The following TRAM2 variants were observed in gnomAD, a reference collection of about 807,000 sequenced individuals.
TRAM2 encodes translocation associated membrane protein 2, also known as translocating chain-associated membrane protein 2.
TRAM2 carries 12 observed loss-of-function variants against 51.0 expected under a neutral mutation model. The observed-to-expected ratio is 0.24, with a 90% CI of 0.15 to 0.38. The LOEUF (loss-of-function observed/expected upper bound fraction) is 0.38, where lower values mean the gene tolerates loss of function less well. Ranked by LOEUF, TRAM2 falls within the 10% of genes least tolerant of loss-of-function variation. The pLI, the probability that TRAM2 is intolerant of heterozygous loss-of-function variation, is 1.00. For synonymous variants in TRAM2, 175 were observed against 179.4 expected (o/e 0.98, Z 0.20); for missense variants, 361 against 462.0 (o/e 0.78, Z 2.00).
rs201290806 is a variant in TRAM2, at chr6:52,505,685, G to C, written c.789C>G (p.Ala263=). The C allele has an allele frequency of 3.7e-6, 6 of 1,613,694 alleles. No homozygotes were observed. Among genetic ancestry groups the C allele is most frequent in the Admixed American group, 1.7e-5 (1 of 59,994 alleles). Residue 263 remains alanine (A), a synonymous_variant, in exon 9 of 11, where the codon GCC becomes GCG. Transcript: ENST00000182527. ...GVTRLFILTL[A]VLAIGFGLAR... ...CCAGTCCAAAGCCAATGGCCAGCAC[G>C]GCAAGGGTGAGGATGAAGAGGCGGG... is the stretch of plus-strand genomic sequence containing the variant.
At chr6:52,568,600 A>G (rs1169865490) in intron 1 of TRAM2, among the ~76,000 whole-genome samples, 1 of 152,178 alleles carries the variant, frequency 6.6e-6, no homozygotes, top group Non-Finnish European at 1.5e-5. Flanking sequence ...GAGCTCCCAG[A>G]CTGCTCTTAA....
At chr6:52,523,169 C>T in intron 2 of TRAM2, 1 of 399,646 alleles carries the variant, frequency 2.5e-6, no homozygotes. Context: ...GTTGCTGTGC[C>T]AAGAGCCAAC....
intron 4 of TRAM2, among the ~76,000 whole-genome samples, chr6:52,515,265 T>C (rs1039024296): frequency 6.6e-5 from 10 of 152,150 alleles, no homozygotes; most frequent in Admixed American, 3.3e-4. Context: ...TGGTGGTGGG[T>C]ACTAACTCAA....
chr6:52,569,388 TAAAAA>T (rs11331630), intron 1 of TRAM2, among the ~76,000 whole-genome samples: 2 of 136,120 alleles, frequency 1.5e-5, no homozygotes. Flanking sequence ...AGACTCCATT[TAAAAA>T]AAAAAAAAAA....
At chr6:52,558,176 G>A (rs1432342924) in intron 1 of TRAM2, among the ~76,000 whole-genome samples, 1 of 152,124 alleles carries the variant, frequency 6.6e-6, no homozygotes, top group Non-Finnish European at 1.5e-5. Context: ...GGCCTCCCCG[G>A]GGTTCTGGGG....
At chr6:52,525,477 A>G (rs1435015446) in intron 2 of TRAM2, among the ~76,000 whole-genome samples, 1 of 152,140 alleles carries the variant, frequency 6.6e-6, no homozygotes, top group Non-Finnish European at 1.5e-5. Flanking sequence ...AGATACACAC[A>G]CACACAGAGG....
In TRAM2 at chr6:52,516,727, G is replaced by A. The variant is rs372296353; in HGVS notation, c.195C>T (p.Thr65=). 5.0e-6 allele frequency: 8 copies of A among 1,613,310 alleles called. No homozygotes were observed. The Admixed American group carries it at 8.3e-5, about 17-fold the overall frequency. The change falls in exon 3 of 11, where the codon ACC becomes ACT. Residue 65 remains threonine (T), a synonymous_variant. Coordinates refer to ENST00000182527, the MANE Select transcript of TRAM2 (RefSeq NM_012288.4). ...NISVPTADSE[T]VHYHYGPKDL... ...CCTTAGGGCCATAGTGGTAGTGCACGGTCTCACTGTCTGTGGAGGTAATAA... is the reference window on the plus strand; with the variant it reads ...CCTTAGGGCCATAGTGGTAGTGCACAGTCTCACTGTCTGTGGAGGTAATAA...
At chr6:52,516,533 A>C in intron 3 of TRAM2, 95 bp downstream of exon 3, 1 of 1,006,656 alleles carries the variant, frequency 9.9e-7, no homozygotes, top group Admixed American at 1.8e-5. Flanking sequence ...TTGGAGGATG[A>C]ATGGGTGCAG....
chr6:52,545,985 A>G (rs114247543), intron 1 of TRAM2, among the ~76,000 whole-genome samples: 111 of 152,246 alleles, frequency 7.3e-4, no homozygotes, highest in Non-Finnish European at 1.4e-3. Flanking sequence ...AGTATGCAAA[A>G]AAGTCATTTA....
chr6:52,511,169 T>C (rs894087673), intron 4 of TRAM2, among the ~76,000 whole-genome samples: 4 of 152,250 alleles, frequency 2.6e-5, no homozygotes, highest in African/African-American at 9.6e-5. Flanking sequence ...AATGGCACGA[T>C]CTCAGCTCAC....
chr6:52,513,159 T>C (rs759109511), intron 4 of TRAM2, among the ~76,000 whole-genome samples: 1 of 152,188 alleles, frequency 6.6e-6, no homozygotes, highest in Non-Finnish European at 1.5e-5. Flanking sequence ...TGCCTCTATA[T>C]ATGCAGAGAG....
chr6:52,523,746 C>T (rs745892848), intron 2 of TRAM2: 4 of 152,318 alleles, frequency 2.6e-5, no homozygotes, highest in Non-Finnish European at 5.9e-5. Flanking sequence ...GTCAAAATGA[C>T]GTGTGTACAA....
At chr6:52,537,725 G>T (rs548178058) in intron 1 of TRAM2, among the ~76,000 whole-genome samples, 1 of 25,790 alleles carries the variant, frequency 3.9e-5, no homozygotes, top group South Asian at 2.5e-3. Context: ...GGACTGTGCC[G>T]TCCCGTTCCC....
At chr6:52,508,171 G>C in intron 6 of TRAM2, 63 bp downstream of exon 6, 2 of 1,471,622 alleles carry the variant, frequency 1.4e-6, no homozygotes, top group Middle Eastern at 1.8e-4. Context: ...GGTACCCCTG[G>C]GAATAGCAGG....
At chr6:52,536,873 A>C (rs891785953) in intron 1 of TRAM2, among the ~76,000 whole-genome samples, 1 of 152,192 alleles carries the variant, frequency 6.6e-6, no homozygotes, top group African/African-American at 2.4e-5. Context: ...ACACCTCGTC[A>C]ATAAAGGGGT....
chr6:52,525,629 G>T (rs1766763754), intron 2 of TRAM2, among the ~76,000 whole-genome samples: 1 of 152,176 alleles, frequency 6.6e-6, no homozygotes, highest in Non-Finnish European at 1.5e-5. Flanking sequence ...CCAACACAGT[G>T]AAACCCCATC....
chr6:52,568,714 A>G (rs984686052), intron 1 of TRAM2, among the ~76,000 whole-genome samples: 3 of 152,236 alleles, frequency 2.0e-5, no homozygotes, highest in Admixed American at 2.0e-4. Context: ...AGACGTCTTC[A>G]TAACAGTGCT....
At chr6:52,509,721 CAG>C (rs1766419796) in intron 4 of TRAM2, 135 bp from the exon 5 acceptor site, 1 of 749,238 alleles carries the variant, frequency 1.3e-6, no homozygotes, top group Non-Finnish European at 2.2e-6. Flanking sequence ...AATGTGAAAA[CAG>C]AGAACTTCTC....
intron 1 of TRAM2, among the ~76,000 whole-genome samples, chr6:52,571,751 C>T (rs1209613907): frequency 6.6e-6 from 1 of 152,156 alleles, no homozygotes; most frequent in African/African-American, 2.4e-5. Flanking sequence ...GAAAAGTCTC[C>T]ATCTCAAAAC....
Sources: gnomAD v4.1 joint callset for allele counts (sites outside exome capture counted in the v4.1 genomes callset) on GRCh38, gnomAD v4.1.1 for gene constraint, MANE v1.5 for transcripts, NCBI Gene and HGNC (gene_info 2026-07-23, HGNC 2026-07-21) for gene names.